SPAG16: variants seen among roughly 807,000 people sequenced by gnomAD.
The protein encoded by SPAG16 is sperm associated antigen 16.
In SPAG16, 86 loss-of-function variants were observed where a neutral mutation model predicts 80.4. The ratio of observed to expected loss-of-function variants is 1.07; its 90% CI spans 0.90 to 1.28. SPAG16 has a LOEUF of 1.28. Among genes scored for constraint, SPAG16 ranks in the 50% most tolerant of loss-of-function variants. The pLI is 0.00. For synonymous variants in SPAG16, 294 were observed against 265.9 expected (o/e 1.11, Z -1.03); for missense variants, 870 against 765.3 (o/e 1.14, Z -1.61).
intron 10 of SPAG16, among the ~76,000 whole-genome samples, chr2:213,625,211 T>C (rs1230099822): frequency 6.6e-6 from 1 of 152,146 alleles, no homozygotes; most frequent in Non-Finnish European, 1.5e-5. Flanking sequence ...AAAGAAAAGA[T>C]GTTTAATCAG....
At chr2:213,445,894 TCC>T (rs2071278086) in intron 9 of SPAG16, among the ~76,000 whole-genome samples, 1 of 152,214 alleles carries the variant, frequency 6.6e-6, no homozygotes, top group African/African-American at 2.4e-5. Flanking sequence ...GTATAGAGGT[TCC>T]TCAAAAAACC....
chr2:213,984,488 T>G (rs2045914431), intron 12 of SPAG16, among the ~76,000 whole-genome samples: 1 of 152,082 alleles, frequency 6.6e-6, no homozygotes, highest in African/African-American at 2.4e-5. Context: ...TTCCTCTACC[T>G]TAGTAAAACA....
In SPAG16 at chr2:214,191,727, G is replaced by GAAAAAAAAAAAAAAAAAAAAAAAAAAAA. The variant is rs367694225; in HGVS notation, c.1720+42476_1720+42477insAAAAAAAAAAAAAAAAAAAAAAAAAAAA. Reference sequence around the variant, plus strand: ...AGACTCTGTCTCAAAAAAAAAAAAAGAAAAAAAAAAAAAAAGGAAAAACCA... The same window carrying GAAAAAAAAAAAAAAAAAAAAAAAAAAAA: ...AGACTCTGTCTCAAAAAAAAAAAAAGAAAAAAAAAAAAAAAAAAAAAAAAAAAAAAAAAAAAAAAAAAAGGAAAAACCA... On this transcript the variant is annotated intron_variant, in intron 15 of 15. Transcript: ENST00000331683. 2.6e-5 allele frequency among the ~76,000 whole-genome samples: 3 copies of GAAAAAAAAAAAAAAAAAAAAAAAAAAAA among 115,818 alleles called. 1 individual carries two copies. Among genetic ancestry groups the GAAAAAAAAAAAAAAAAAAAAAAAAAAAA allele is most frequent in the African/African-American group, 6.2e-5 (2 of 32,130 alleles). The allele number at this position is 115,818 out of a possible 152,430, so 76.0% of individuals were successfully genotyped here.
intron 6 of SPAG16, among the ~76,000 whole-genome samples, chr2:213,350,125 G>A (rs2125040928): frequency 6.6e-6 from 1 of 152,220 alleles, no homozygotes; most frequent in East Asian, 1.9e-4. Flanking sequence ...CTATCCTTTA[G>A]TTTATTTTGA....
intron 2 of SPAG16, 158 bp downstream of exon 2, chr2:213,296,268 A>G: frequency 1.8e-6 from 1 of 549,186 alleles, no homozygotes; most frequent in Admixed American, 3.3e-5. Flanking sequence ...ATTAAGAATG[A>G]GATGTGAAAA....
chr2:213,778,781 AC>A (rs2069760633), intron 10 of SPAG16, among the ~76,000 whole-genome samples: 1 of 152,142 alleles, frequency 6.6e-6, no homozygotes, highest in Non-Finnish European at 1.5e-5. Flanking sequence ...GTAGCTGTTT[AC>A]CAAGCAAACT....
chr2:213,738,189 C>CT (rs1290874339), intron 10 of SPAG16, among the ~76,000 whole-genome samples: 46 of 152,060 alleles, frequency 3.0e-4, no homozygotes, highest in Admixed American at 2.9e-3. Flanking sequence ...TTTGTAGAGC[C>CT]AGTATAGTTA....
At chr2:213,893,859 T>A (rs551003640) in intron 11 of SPAG16, among the ~76,000 whole-genome samples, 32 of 151,996 alleles carry the variant, frequency 2.1e-4, no homozygotes, top group South Asian at 6.2e-4. Context: ...TACAAACAAC[T>A]AAAAAACAAG....
intron 2 of SPAG16, among the ~76,000 whole-genome samples, chr2:213,296,584 C>T (rs1449543129): frequency 6.6e-6 from 1 of 152,110 alleles, no homozygotes; most frequent in Non-Finnish European, 1.5e-5. Context: ...TTACTTCGGA[C>T]ACTTGGAGGA....
At chr2:213,962,498 T>C (rs1290301668) in intron 12 of SPAG16, among the ~76,000 whole-genome samples, 1 of 152,176 alleles carries the variant, frequency 6.6e-6, no homozygotes, top group Non-Finnish European at 1.5e-5. Flanking sequence ...ACTGGTATCC[T>C]TTTAAAGAGA....
intron 15 of SPAG16, among the ~76,000 whole-genome samples, chr2:214,197,481 A>G (rs1419229545): frequency 6.6e-6 from 1 of 151,840 alleles, no homozygotes; most frequent in African/African-American, 2.4e-5. Flanking sequence ...ATAATGGACT[A>G]TGAATGGACC....
chr2:214,352,160 C>T (rs768725808), intron 15 of SPAG16, among the ~76,000 whole-genome samples: 68 of 152,168 alleles, frequency 4.5e-4, no homozygotes, highest in Admixed American at 2.2e-3. Context: ...AAAGGTCCCA[C>T]CTCTTAATAC....
intron 10 of SPAG16, among the ~76,000 whole-genome samples, chr2:213,794,391 T>C (rs1021984470): frequency 6.6e-6 from 1 of 152,104 alleles, no homozygotes; most frequent in Admixed American, 6.5e-5. Context: ...ATTTCATAAG[T>C]AGTATTTTGA....
chr2:214,082,517 C>T lies in SPAG16; in HGVS notation c.1528-25679C>T, dbSNP rs369858941. On this transcript the variant is annotated intron_variant, in intron 13 of 15. Transcript: ENST00000331683. The stretch of plus-strand genomic sequence containing the variant: ...ACTATTTTTGATGTCTACTTCTGCC[C>T]TCTTCTCTTCCTTGTCCTATCCATC... Among the ~76,000 whole-genome samples, 4 of 152,136 alleles carry T rather than the reference C, an allele frequency of 2.6e-5. No homozygotes were observed. The East Asian group carries it at 5.8e-4, about 22-fold the overall frequency.
At chr2:213,788,823 G>C (rs2070505145) in intron 10 of SPAG16, among the ~76,000 whole-genome samples, 1 of 151,364 alleles carries the variant, frequency 6.6e-6, no homozygotes, top group Admixed American at 6.6e-5. Flanking sequence ...TTGTTTGCTT[G>C]TTTTATGGAT....
chr2:213,412,683 C>G (rs185432376), intron 9 of SPAG16, among the ~76,000 whole-genome samples: 1 of 151,952 alleles, frequency 6.6e-6, no homozygotes, highest in African/African-American at 2.4e-5. Context: ...CCAGAATTTC[C>G]CATTTTTGGA....
At chr2:213,333,741 T>TA (rs2064212022) in intron 5 of SPAG16, among the ~76,000 whole-genome samples, 1 of 152,150 alleles carries the variant, frequency 6.6e-6, no homozygotes, top group Admixed American at 6.5e-5. Context: ...GCCAAGAACA[T>TA]ACACTGTGGA....
At chr2:213,314,565 A>G (rs575158354) in intron 4 of SPAG16, among the ~76,000 whole-genome samples, 32 of 151,996 alleles carry the variant, frequency 2.1e-4, no homozygotes, top group African/African-American at 6.7e-4. Flanking sequence ...ATATTTTTAC[A>G]TGGATGGCAG....
At chr2:214,076,539 G>C (rs867075199) in intron 13 of SPAG16, among the ~76,000 whole-genome samples, 1,340 of 67,228 alleles carry the variant, frequency 0.02, 20 homozygotes, top group African/African-American at 0.07. Flanking sequence ...GTGTGTGTGT[G>C]TGTCTGTGTG....
Sources: gnomAD v4.1 joint callset for allele counts (sites outside exome capture counted in the v4.1 genomes callset) on GRCh38, gnomAD v4.1.1 for gene constraint, MANE v1.5 for transcripts, NCBI Gene and HGNC (gene_info 2026-07-23, HGNC 2026-07-21) for gene names.